The following LRRC1 variants were observed in gnomAD, a reference collection of about 807,000 sequenced individuals.
LRRC1 encodes leucine rich repeat containing 1.
A neutral mutation model predicts 69.9 loss-of-function variants in LRRC1; 28 were observed. The observed-to-expected ratio is 0.40, with a 90% CI of 0.30 to 0.55. The LOEUF (loss-of-function observed/expected upper bound fraction) is 0.55. LRRC1 is among the 20% of genes least tolerant of loss of function. The pLI is 0.47. For synonymous variants in LRRC1, 236 were observed against 240.2 expected, an observed-to-expected ratio of 0.98 and a Z score of 0.16; for missense variants, 498 against 609.0, an observed-to-expected ratio of 0.82 and a Z score of 1.92.
chr6:53,839,868 T>C (rs1437481326), intron 1 of LRRC1, among the ~76,000 whole-genome samples: 1 of 152,220 alleles, frequency 6.6e-6, no homozygotes, highest in Non-Finnish European at 1.5e-5. Flanking sequence ...TTCTAATTTA[T>C]CACCAAACAT....
chr6:53,798,620 C>T (rs1459188551), intron 1 of LRRC1, among the ~76,000 whole-genome samples: 3 of 152,142 alleles, frequency 2.0e-5, no homozygotes, highest in Non-Finnish European at 1.5e-5. Context: ...ACCTCATGAC[C>T]CACCCGCCTT....
intron 10 of LRRC1, among the ~76,000 whole-genome samples, chr6:53,910,412 TATGA>T (rs1768371682): frequency 6.6e-6 from 1 of 152,128 alleles, no homozygotes; most frequent in Non-Finnish European, 1.5e-5. Flanking sequence ...CCAAAATATA[TATGA>T]ATGATGTGTA....
chr6:53,803,824 C>T (rs537704031), intron 1 of LRRC1, among the ~76,000 whole-genome samples: 1 of 152,250 alleles, frequency 6.6e-6, no homozygotes, highest in African/African-American at 2.4e-5. Context: ...AGACTGACTC[C>T]TTGATTGTGT....
chr6:53,810,051 G>A lies in LRRC1; in HGVS notation c.159+14636G>A, dbSNP rs530955899. 2.0e-5 allele frequency among the ~76,000 whole-genome samples: 3 copies of A among 152,294 alleles called. No homozygotes were observed. The South Asian group carries it at 6.2e-4, about 32-fold the overall frequency. ...TTATTTTAAATTTTGACTCTGTAGC[G>A]GGAAGCAGGTAGGCAAAGAATAGTT... On this transcript the variant is annotated intron_variant, in intron 1 of 13. Coordinates refer to ENST00000370888, the MANE Select transcript of LRRC1 (RefSeq NM_018214.5).
At chr6:53,873,730 A>G (rs1766975130) in intron 2 of LRRC1, among the ~76,000 whole-genome samples, 1 of 152,196 alleles carries the variant, frequency 6.6e-6, no homozygotes, top group African/African-American at 2.4e-5. Flanking sequence ...TCTACAAACA[A>G]GGACAATTTA....
chr6:53,876,375 T>C (rs140686583), intron 2 of LRRC1, among the ~76,000 whole-genome samples: 1 of 152,270 alleles, frequency 6.6e-6, no homozygotes, highest in Non-Finnish European at 1.5e-5. Flanking sequence ...AACCATATCA[T>C]TCTGCCCCTG....
intron 1 of LRRC1, among the ~76,000 whole-genome samples, chr6:53,821,866 G>A (rs1363400997): frequency 8.3e-6 from 1 of 120,796 alleles, no homozygotes; most frequent in African/African-American, 3.1e-5. Context: ...GCCTTCTAAT[G>A]CTAGTAATGC....
chr6:53,833,719 C>T (rs529159274), intron 1 of LRRC1, among the ~76,000 whole-genome samples: 1 of 152,074 alleles, frequency 6.6e-6, no homozygotes, highest in South Asian at 2.1e-4. Flanking sequence ...GGCCTTTTTT[C>T]CCCCTGTGAT....
intron 4 of LRRC1, among the ~76,000 whole-genome samples, chr6:53,895,432 C>T (rs1194035248): frequency 6.6e-6 from 1 of 152,112 alleles, no homozygotes; most frequent in African/African-American, 2.4e-5. Context: ...CTTGTTAGTA[C>T]ACGTGATTCT....
At chr6:53,815,333 C>T (rs1407896334) in intron 1 of LRRC1, among the ~76,000 whole-genome samples, 2 of 152,184 alleles carry the variant, frequency 1.3e-5, no homozygotes, top group East Asian at 1.9e-4. Context: ...CTCCGAGCCT[C>T]ATTTTTCTCA....
At chr6:53,865,959 ATTCACCTGC>A (rs1163979815) in intron 2 of LRRC1, among the ~76,000 whole-genome samples, 1 of 152,006 alleles carries the variant, frequency 6.6e-6, no homozygotes, top group Non-Finnish European at 1.5e-5. Flanking sequence ...TGACATTGTG[ATTCACCTGC>A]TTCAGCCTCC....
intron 2 of LRRC1, among the ~76,000 whole-genome samples, chr6:53,860,914 C>T (rs1176304278): frequency 5.3e-5 from 8 of 152,098 alleles, no homozygotes; most frequent in Non-Finnish European, 8.8e-5. Flanking sequence ...CACTATCCTA[C>T]GGGAATTAAC....
chr6:53,891,184 G>A (rs1436323179), intron 4 of LRRC1, among the ~76,000 whole-genome samples: 1 of 152,102 alleles, frequency 6.6e-6, no homozygotes, highest in Admixed American at 6.5e-5. Context: ...AGCTTGTTAG[G>A]TGTGCTCTCC....
At chr6:53,848,196 C>T (rs1766009047) in intron 2 of LRRC1, among the ~76,000 whole-genome samples, 1 of 152,230 alleles carries the variant, frequency 6.6e-6, no homozygotes, top group African/African-American at 2.4e-5. Flanking sequence ...AGTGTTGAGC[C>T]CAAAGCTTGC....
At chr6:53,799,107 A>G (rs767143119) in intron 1 of LRRC1, among the ~76,000 whole-genome samples, 1 of 152,232 alleles carries the variant, frequency 6.6e-6, no homozygotes, top group Non-Finnish European at 1.5e-5. Flanking sequence ...TGAATATACT[A>G]AAGGCTTCAT....
At chr6:53,896,105 T>C (rs761173971) in intron 4 of LRRC1, among the ~76,000 whole-genome samples, 8 of 152,224 alleles carry the variant, frequency 5.3e-5, no homozygotes, top group Non-Finnish European at 1.2e-4. Flanking sequence ...CTAAAGGTGC[T>C]ACTGTTTTAT....
intron 1 of LRRC1, among the ~76,000 whole-genome samples, chr6:53,834,942 A>G (rs1369384699): frequency 2.0e-5 from 3 of 152,244 alleles, no homozygotes; most frequent in Non-Finnish European, 4.4e-5. Context: ...AGCCTGGGCG[A>G]CAGAGCGAGA....
chr6:53,810,317 G>A (rs4276504), intron 1 of LRRC1, among the ~76,000 whole-genome samples: 28,969 of 152,174 alleles, frequency 0.19, 2,992 homozygotes, highest in Middle Eastern at 0.33. Context: ...CTGTTTCAAA[G>A]TATTCTTAAA....
chr6:53,840,908 G>GTT (rs1765763776), intron 1 of LRRC1, among the ~76,000 whole-genome samples: 1 of 141,848 alleles, frequency 7.0e-6, no homozygotes, highest in Non-Finnish European at 1.6e-5. Context: ...GTGTGTGTGT[G>GTT]TGTGTGTGTG....
Sources: allele counts gnomAD v4.1 joint callset (sites outside exome capture counted in the v4.1 genomes callset), GRCh38; gene constraint gnomAD v4.1.1; transcripts MANE v1.5; gene names NCBI Gene and HGNC (gene_info 2026-07-23, HGNC 2026-07-21).